KCNIP4: variants seen among roughly 807,000 people sequenced by gnomAD.
The protein encoded by KCNIP4 is potassium voltage-gated channel interacting protein 4.
KCNIP4 carries 12 observed loss-of-function variants against 34.0 expected under a neutral mutation model. The ratio of observed to expected loss-of-function variants is 0.35; its 90% CI spans 0.23 to 0.57. The LOEUF (loss-of-function observed/expected upper bound fraction) is 0.57. Among genes scored for constraint, KCNIP4 ranks in the 20% least tolerant of loss-of-function variants. The pLI, the probability that KCNIP4 is intolerant of heterozygous loss-of-function variation, is 0.83. For missense variants in KCNIP4, 238 were observed against 311.7 expected (o/e 0.76, Z 1.78); for synonymous variants, 124 against 102.2 (o/e 1.21, Z -1.29).
At chr4:20,841,724 T>C (rs1165965318) in intron 3 of KCNIP4, among the ~76,000 whole-genome samples, 3 of 148,808 alleles carry the variant, frequency 2.0e-5, no homozygotes, top group South Asian at 4.5e-4. Context: ...CCATTTTGCT[T>C]AGAGTAGCCC....
intron 1 of KCNIP4, among the ~76,000 whole-genome samples, chr4:21,727,464 T>C (rs897639990): frequency 5.3e-5 from 8 of 152,072 alleles, no homozygotes; most frequent in Non-Finnish European, 5.9e-5. Context: ...GTAAATTATA[T>C]ATAATTTATC....
chr4:20,764,529 C>T (rs1289548381), intron 3 of KCNIP4, among the ~76,000 whole-genome samples: 1 of 152,102 alleles, frequency 6.6e-6, no homozygotes, highest in African/African-American at 2.4e-5. Context: ...GAAGGAGAAT[C>T]GTAAGACCAA....
intron 1 of KCNIP4, among the ~76,000 whole-genome samples, chr4:21,666,517 G>A (rs1461379821): frequency 6.6e-6 from 1 of 152,068 alleles, no homozygotes; most frequent in Admixed American, 6.5e-5. Flanking sequence ...TATTTTCTCT[G>A]GCCCTTCTAT....
At chr4:21,575,350 G>C (rs1740675251) in intron 1 of KCNIP4, among the ~76,000 whole-genome samples, 1 of 152,168 alleles carries the variant, frequency 6.6e-6, no homozygotes, top group Non-Finnish European at 1.5e-5. Context: ...GAGTTCAATA[G>C]TTCCTACATT....
chr4:21,296,750 C>T (rs1763863500), intron 1 of KCNIP4, among the ~76,000 whole-genome samples: 1 of 151,804 alleles, frequency 6.6e-6, no homozygotes, highest in African/African-American at 2.4e-5. Flanking sequence ...ATTCCAGGAG[C>T]CAGATTTGTC....
intron 1 of KCNIP4, among the ~76,000 whole-genome samples, chr4:21,716,328 C>A (rs1319858167): frequency 6.6e-6 from 1 of 151,948 alleles, no homozygotes; most frequent in Admixed American, 6.6e-5. Flanking sequence ...CCTCTGCCTC[C>A]CGGGTTCAAG....
At chr4:20,887,626 C>A (rs1351067973) in intron 1 of KCNIP4, among the ~76,000 whole-genome samples, 3 of 151,984 alleles carry the variant, frequency 2.0e-5, no homozygotes, top group Non-Finnish European at 4.4e-5. Context: ...CAGAGACTAT[C>A]AACCCAGAAT....
chr4:21,079,246 T>C (rs1202343049), intron 1 of KCNIP4, among the ~76,000 whole-genome samples: 5 of 152,104 alleles, frequency 3.3e-5, no homozygotes, highest in Admixed American at 2.6e-4. Flanking sequence ...AATTGGCTCA[T>C]TTAAGTTTTT....
chr4:21,061,694 G>T (rs200838625), intron 1 of KCNIP4, among the ~76,000 whole-genome samples: 1 of 152,114 alleles, frequency 6.6e-6, no homozygotes, highest in East Asian at 1.9e-4. Flanking sequence ...ACAACAGTGT[G>T]ATCTATGCCT....
chr4:21,082,264 C>T (rs1462965081), intron 1 of KCNIP4, among the ~76,000 whole-genome samples: 1 of 151,768 alleles, frequency 6.6e-6, no homozygotes, highest in African/African-American at 2.4e-5. Context: ...TAAGCATATA[C>T]AACTCCCATT....
At chr4:20,944,370 C>T (rs1731968133) in intron 1 of KCNIP4, among the ~76,000 whole-genome samples, 1 of 152,182 alleles carries the variant, frequency 6.6e-6, no homozygotes, top group Non-Finnish European at 1.5e-5. Context: ...AGACCAAAGA[C>T]TAATGAGCCA....
intron 1 of KCNIP4, among the ~76,000 whole-genome samples, chr4:21,789,251 T>G (rs1345669749): frequency 1.3e-5 from 2 of 152,180 alleles, no homozygotes; most frequent in Non-Finnish European, 2.9e-5. Flanking sequence ...AAATCTTAGT[T>G]GTATAAATTT....
At chr4:21,245,944 C>T (rs894632136) in intron 1 of KCNIP4, among the ~76,000 whole-genome samples, 32 of 152,196 alleles carry the variant, frequency 2.1e-4, no homozygotes, top group Middle Eastern at 3.4e-3. Context: ...TGCAAATACC[C>T]GGAGGAGTTT....
chr4:21,612,704 C>A (rs973676031), intron 1 of KCNIP4, among the ~76,000 whole-genome samples: 11 of 152,152 alleles, frequency 7.2e-5, no homozygotes, highest in Non-Finnish European at 1.5e-4. Context: ...AATGGACACG[C>A]AAAATCAAAG....
chr4:21,454,162 C>T (rs1728735478), intron 1 of KCNIP4, among the ~76,000 whole-genome samples: 1 of 152,068 alleles, frequency 6.6e-6, no homozygotes, highest in Non-Finnish European at 1.5e-5. Context: ...CTAAAAATCC[C>T]ATTTTAATTC....
At chr4:20,830,695 A>G (rs113766263) in intron 3 of KCNIP4, among the ~76,000 whole-genome samples, 7,481 of 152,302 alleles carry the variant, frequency 0.049, 245 homozygotes, top group Admixed American at 0.086. Flanking sequence ...GTATAGAGAA[A>G]TAGATAAATC....
rs574399989 is a variant in KCNIP4, at chr4:21,434,501, C to G, written c.61+514070G>C. Among the ~76,000 whole-genome samples the G allele has an allele frequency of 3.4e-4, 52 of 152,168 alleles. No homozygotes were observed. The South Asian group carries it at 0.011, about 31-fold the overall frequency. On this transcript the variant is annotated intron_variant, in intron 1 of 8. Transcript: ENST00000382152. ...TGGGACTCTGGGACCATATAGGACC[C>G]TCTCCCCACCCAGGACCACTCTGTG...
chr4:20,748,425 CT>C (rs1302472147), intron 5 of KCNIP4, among the ~76,000 whole-genome samples: 1 of 151,882 alleles, frequency 6.6e-6, no homozygotes, highest in Non-Finnish European at 1.5e-5. Flanking sequence ...GCTACAGCCC[CT>C]TTTGTGCCAG....
chr4:21,375,652 C>T (rs1394962118), intron 1 of KCNIP4, among the ~76,000 whole-genome samples: 5 of 151,712 alleles, frequency 3.3e-5, no homozygotes, highest in Admixed American at 6.6e-5. Context: ...CTGCAAGCTC[C>T]GCCTCCCAGG....
Sources: gnomAD v4.1 joint callset for allele counts (sites outside exome capture counted in the v4.1 genomes callset) on GRCh38, gnomAD v4.1.1 for gene constraint, MANE v1.5 for transcripts, NCBI Gene and HGNC (gene_info 2026-07-23, HGNC 2026-07-21) for gene names.